LCP1: variants seen among roughly 807,000 people sequenced by gnomAD.
LCP1 encodes the protein plastin-2.
In LCP1, 23 loss-of-function variants were observed where a neutral mutation model predicts 72.0. The ratio of observed to expected loss-of-function variants is 0.32; its 90% confidence interval spans 0.23 to 0.45. The LOEUF (loss-of-function observed/expected upper bound fraction) is 0.45. Ranked by LOEUF, LCP1 falls within the 20% of genes least tolerant of loss-of-function variation. LCP1 has a pLI of 1.00. For missense variants in LCP1, 571 were observed against 748.3 expected (o/e 0.76, Z 2.76); for synonymous variants, 245 against 275.4 (o/e 0.89, Z 1.09).
At chr13:46,132,837 T>C (rs2045642348) in intron 14 of LCP1, among the ~76,000 whole-genome samples, 1 of 152,188 alleles carries the variant, frequency 6.6e-6, no homozygotes, top group African/African-American at 2.4e-5. Context: ...TATCTTCTGC[T>C]ACTGCTTGTG....
At chr13:46,159,422 AAGTCAT>A (rs1210734185) in intron 2 of LCP1, 171 bp downstream of exon 2, 7 of 599,328 alleles carry the variant, frequency 1.2e-5, no homozygotes, top group African/African-American at 1.1e-4. Context: ...TTGATAGAGA[AAGTCAT>A]TTTATTGAAG....
chr13:46,133,781 T>TACG (rs2045647333), intron 14 of LCP1, among the ~76,000 whole-genome samples: 1 of 151,966 alleles, frequency 6.6e-6, no homozygotes, highest in Non-Finnish European at 1.5e-5. Flanking sequence ...GCCTGTTGGG[T>TACG]ACGATGCTCC....
At chr13:46,170,043 C>T (rs184882977) in intron 1 of LCP1, among the ~76,000 whole-genome samples, 13 of 152,240 alleles carry the variant, frequency 8.5e-5, no homozygotes, top group Admixed American at 3.3e-4. Flanking sequence ...TAGTGTCTGG[C>T]CCATGTGAGG....
chr13:46,178,301 A>G (rs1359583262), intron 1 of LCP1, among the ~76,000 whole-genome samples: 1 of 152,180 alleles, frequency 6.6e-6, no homozygotes, highest in Non-Finnish European at 1.5e-5. Flanking sequence ...ATATCTTACA[A>G]GATGGAGCAG....
At chr13:46,172,077 G>C (rs2045907302) in intron 1 of LCP1, among the ~76,000 whole-genome samples, 1 of 152,272 alleles carries the variant, frequency 6.6e-6, no homozygotes, top group African/African-American at 2.4e-5. Flanking sequence ...CTCTGCCTGG[G>C]AAGGCAAAAG....
intron 8 of LCP1, among the ~76,000 whole-genome samples, chr13:46,149,673 T>C (rs762466263): frequency 9.2e-5 from 14 of 152,158 alleles, no homozygotes; most frequent in Non-Finnish European, 2.1e-4. Context: ...GGCACAACAC[T>C]GTATAAGTAA....
At chr13:46,141,260 G>C (rs866536828) in intron 13 of LCP1, among the ~76,000 whole-genome samples, 1 of 151,920 alleles carries the variant, frequency 6.6e-6, no homozygotes, top group African/African-American at 2.4e-5. Flanking sequence ...ACAAAAATTA[G>C]CTGGGCATGG....
chr13:46,163,073 C>A (rs1256349743), intron 1 of LCP1, among the ~76,000 whole-genome samples: 2 of 151,650 alleles, frequency 1.3e-5, no homozygotes, highest in Non-Finnish European at 1.5e-5. Flanking sequence ...GGCGCCTCTG[C>A]CCTGCCGCCC....
At position 46,130,933 on chromosome 13, in the gene LCP1, C is replaced by A. The variant is rs11558762; in HGVS notation, c.1632G>T (p.Pro544=). 0.18 allele frequency: 291,183 copies of A among 1,602,038 alleles called. 30,270 individuals are homozygous for A. The highest frequency in any genetic ancestry group is 0.21 in the Non-Finnish European group (244,838 of 1,175,332). The change falls in exon 15 of 16, where the codon CCG becomes CCT. Residue 544 remains proline (P), a synonymous_variant. Transcript: ENST00000323076. ...GAACAGGCAGACTTGTACTAATCTT[C>A]GGGTCCTATGCAGAGACACAGGGAG... The part of the protein sequence containing the change: ...KSSSISSFKD[P]KISTSLPVLD...
At chr13:46,142,656 A>T in intron 12 of LCP1, 4 of 575,132 alleles carry the variant, frequency 7.0e-6, no homozygotes, top group Non-Finnish European at 1.3e-5. Context: ...ACTGAAATGA[A>T]TTCATTACTA....
At chr13:46,180,539 A>G (rs2045951326) in intron 1 of LCP1, among the ~76,000 whole-genome samples, 1 of 152,186 alleles carries the variant, frequency 6.6e-6, no homozygotes, top group Admixed American at 6.5e-5. Flanking sequence ...TTGCTAAGGA[A>G]ATGTCCTCCT....
intron 13 of LCP1, among the ~76,000 whole-genome samples, chr13:46,140,093 T>C (rs1174734252): frequency 6.6e-6 from 1 of 152,126 alleles, no homozygotes; most frequent in African/African-American, 2.4e-5. Context: ...CTGGCCATCC[T>C]CTTGAGTGGA....
intron 13 of LCP1, among the ~76,000 whole-genome samples, chr13:46,138,268 G>A (rs911296190): frequency 1.3e-5 from 2 of 152,096 alleles, no homozygotes; most frequent in Non-Finnish European, 2.9e-5. Context: ...GACCAAATTA[G>A]CACATCAGCA....
At chr13:46,166,055 T>C (rs985334914) in intron 1 of LCP1, among the ~76,000 whole-genome samples, 8 of 152,350 alleles carry the variant, frequency 5.3e-5, no homozygotes, top group Non-Finnish European at 1.2e-4. Context: ...AGGGTGCTGG[T>C]ATTTCCCAAG....
chr13:46,132,528 G>A (rs932728276), intron 14 of LCP1, among the ~76,000 whole-genome samples: 1 of 152,202 alleles, frequency 6.6e-6, no homozygotes, highest in Non-Finnish European at 1.5e-5. Flanking sequence ...CAATGTCAGC[G>A]AAGATGCCCT....
chr13:46,135,460 C>T lies in LCP1; in HGVS notation c.1503-1210G>A, dbSNP rs908950242. Among the ~76,000 whole-genome samples the T allele has an allele frequency of 2.6e-5, 4 of 152,188 alleles. No homozygotes were observed. In the East Asian group the frequency reaches 7.7e-4, roughly 29 times the overall value. Reference sequence around the variant, plus strand: ...CGGGTATCTTCCTCTAGTTCCTGCTCCTATGGACAGTACAGTTCTCCCGTG... The same window carrying T: ...CGGGTATCTTCCTCTAGTTCCTGCTTCTATGGACAGTACAGTTCTCCCGTG... On this transcript the variant is annotated intron_variant, in intron 13 of 15. Coordinates refer to ENST00000323076, the MANE Select transcript of LCP1 (RefSeq NM_002298.5).
chr13:46,162,586 T>G (rs1013786464), intron 1 of LCP1, among the ~76,000 whole-genome samples: 2 of 151,784 alleles, frequency 1.3e-5, no homozygotes, highest in Non-Finnish European at 2.9e-5. Context: ...GCAGGCGGAG[T>G]CTCGTTCACT....
intron 13 of LCP1, among the ~76,000 whole-genome samples, chr13:46,137,583 A>G (rs2045672624): frequency 6.6e-6 from 1 of 152,232 alleles, no homozygotes; most frequent in African/African-American, 2.4e-5. Flanking sequence ...ATAGTACACT[A>G]AGCAATTGCT....
chr13:46,153,883 C>T (rs1349645097), intron 6 of LCP1, among the ~76,000 whole-genome samples: 2 of 152,098 alleles, frequency 1.3e-5, no homozygotes, highest in Non-Finnish European at 2.9e-5. Flanking sequence ...GGTAATGTAA[C>T]TCACATATAG....
Sources: gnomAD v4.1 joint callset for allele counts (sites outside exome capture counted in the v4.1 genomes callset) on GRCh38, gnomAD v4.1.1 for gene constraint, MANE v1.5 for transcripts, NCBI Gene and HGNC (gene_info 2026-07-23, HGNC 2026-07-21) for gene names.